Variants in NDST3 observed in about 807,000 individuals in gnomAD.
The protein encoded by NDST3 is bifunctional heparan sulfate N-deacetylase/N-sulfotransferase 3.
NDST3 carries 58 observed loss-of-function variants against 96.1 expected under a neutral mutation model. That is an observed-to-expected ratio of 0.60 (90% CI 0.49 to 0.75). The LOEUF (loss-of-function observed/expected upper bound fraction) is 0.75, where lower values mean the gene tolerates loss of function less well. NDST3 is among the 30% of genes least tolerant of loss of function. The pLI is 0.00. For missense variants in NDST3, 788 were observed against 1,034.2 expected (o/e 0.76, Z 3.27); for synonymous variants, 333 against 359.7 (o/e 0.93, Z 0.84).
intron 1 of NDST3, among the ~76,000 whole-genome samples, chr4:118,042,668 C>T (rs1357928665): frequency 6.6e-6 from 1 of 152,210 alleles, no homozygotes; most frequent in Non-Finnish European, 1.5e-5. Flanking sequence ...CAACCCCAAA[C>T]ATAGTATCCT....
chr4:118,227,893 T>C (rs1301205207), intron 8 of NDST3, among the ~76,000 whole-genome samples: 2 of 152,212 alleles, frequency 1.3e-5, no homozygotes, highest in Non-Finnish European at 2.9e-5. Flanking sequence ...ATTACAGGCG[T>C]GAGCCACTGT....
chr4:118,100,964 T>C (rs1424093078), intron 2 of NDST3, among the ~76,000 whole-genome samples: 6 of 152,276 alleles, frequency 3.9e-5, no homozygotes, highest in Admixed American at 3.3e-4. Context: ...CTAGCAAATA[T>C]AGACATTTAT....
chr4:118,216,026 T>A (rs1465996583), intron 6 of NDST3, among the ~76,000 whole-genome samples: 8 of 152,154 alleles, frequency 5.3e-5, no homozygotes, highest in Admixed American at 5.2e-4. Flanking sequence ...GGGGACCATA[T>A]GCTTATGCGC....
intron 6 of NDST3, among the ~76,000 whole-genome samples, chr4:118,188,041 A>T (rs902370579): frequency 6.6e-6 from 1 of 152,112 alleles, no homozygotes; most frequent in Admixed American, 6.6e-5. Context: ...TGGCCTAATG[A>T]GCTACTGTTA....
intron 2 of NDST3, among the ~76,000 whole-genome samples, chr4:118,059,329 G>A (rs944591398): frequency 1.3e-5 from 2 of 151,990 alleles, no homozygotes; most frequent in East Asian, 3.8e-4. Flanking sequence ...TTGTCTATTT[G>A]TGGATTAGCC....
At chr4:118,168,801 G>A (rs1735728215) in intron 6 of NDST3, among the ~76,000 whole-genome samples, 1 of 152,140 alleles carries the variant, frequency 6.6e-6, no homozygotes, top group Non-Finnish European at 1.5e-5. Context: ...GAAAAGAACA[G>A]GGAAATCCTG....
intron 2 of NDST3, among the ~76,000 whole-genome samples, chr4:118,061,375 G>T (rs986215351): frequency 6.6e-6 from 1 of 152,042 alleles, no homozygotes; most frequent in Admixed American, 6.6e-5. Flanking sequence ...AGAGTGTTTT[G>T]TTCTGGCACT....
intron 5 of NDST3, among the ~76,000 whole-genome samples, chr4:118,141,458 A>C (rs1578715451): frequency 6.6e-6 from 1 of 152,092 alleles, no homozygotes; most frequent in Admixed American, 6.5e-5. Flanking sequence ...TGGGGTTCAT[A>C]CCCTCAGCAG....
intron 2 of NDST3, among the ~76,000 whole-genome samples, chr4:118,064,051 C>A (rs1327255808): frequency 6.6e-6 from 1 of 152,144 alleles, no homozygotes; most frequent in Non-Finnish European, 1.5e-5. Context: ...TAGTATTAGT[C>A]ACTTCTTGAA....
At chr4:118,243,194 A>G (rs1236897079) in intron 12 of NDST3, among the ~76,000 whole-genome samples, 1 of 152,144 alleles carries the variant, frequency 6.6e-6, no homozygotes, top group Non-Finnish European at 1.5e-5. Flanking sequence ...CCACAGATCG[A>G]GTAGTTTTCC....
chr4:118,158,413 T>G (rs965876762), intron 6 of NDST3, among the ~76,000 whole-genome samples: 1 of 152,036 alleles, frequency 6.6e-6, no homozygotes, highest in Non-Finnish European at 1.5e-5. Context: ...ATGAGATAAT[T>G]TTAGCATGAA....
intron 2 of NDST3, among the ~76,000 whole-genome samples, chr4:118,101,320 G>A (rs1164238481): frequency 4.1e-5 from 6 of 146,824 alleles, no homozygotes; most frequent in Non-Finnish European, 8.9e-5. Flanking sequence ...TCTTCAACTA[G>A]ATATTTTAAT....
At position 118,242,836 on chromosome 4, in the gene NDST3, A is replaced by G. The variant is rs186645825; in HGVS notation, c.2399+687A>G. On this transcript the variant is annotated intron_variant, in intron 12 of 13. Transcript: ENST00000296499. ...GACCAGTAAGGAACTAGGGCTGAAG[A>G]AGGCAGTCACTCTCGGAGGTGTGCC... is the stretch of plus-strand genomic sequence containing the variant. Among the ~76,000 whole-genome samples, 13 of 152,074 alleles carry G rather than the reference A, an allele frequency of 8.5e-5. No individual in the cohort carries two copies. In the East Asian group the frequency reaches 2.1e-3, roughly 25 times the overall value.
chr4:118,225,004 A>C (rs1739786189), intron 7 of NDST3, among the ~76,000 whole-genome samples: 1 of 152,194 alleles, frequency 6.6e-6, no homozygotes, highest in Non-Finnish European at 1.5e-5. Context: ...GTCGTTTGTT[A>C]GACAGGTAGC....
intron 4 of NDST3, among the ~76,000 whole-genome samples, chr4:118,115,845 A>G (rs1200037465): frequency 6.6e-6 from 1 of 152,104 alleles, no homozygotes; most frequent in Non-Finnish European, 1.5e-5. Context: ...TTTCTTGAGG[A>G]TATACAAGAC....
At chr4:118,219,852 G>A (rs1578832256) in intron 6 of NDST3, among the ~76,000 whole-genome samples, 1 of 152,118 alleles carries the variant, frequency 6.6e-6, no homozygotes, top group South Asian at 2.1e-4. Flanking sequence ...ATTGGCAAAG[G>A]ATATGAACAG....
intron 6 of NDST3, among the ~76,000 whole-genome samples, chr4:118,205,799 C>T (rs1325773210): frequency 7.2e-6 from 1 of 139,256 alleles, no homozygotes; most frequent in Non-Finnish European, 1.6e-5. Flanking sequence ...GATGACAGTA[C>T]AAATATACAG....
chr4:118,090,719 TA>T (rs1728794496), intron 2 of NDST3, among the ~76,000 whole-genome samples: 1 of 151,904 alleles, frequency 6.6e-6, no homozygotes, highest in Non-Finnish European at 1.5e-5. Context: ...AAAAAGGAGC[TA>T]TTTCTTCTTG....
intron 1 of NDST3, among the ~76,000 whole-genome samples, chr4:118,040,384 A>G (rs1159412435): frequency 6.6e-6 from 1 of 151,970 alleles, no homozygotes; most frequent in Non-Finnish European, 1.5e-5. Context: ...GGAAAGGGGG[A>G]GGGGTGAAAA....
Sources: gnomAD v4.1 joint callset for allele counts (sites outside exome capture counted in the v4.1 genomes callset) on GRCh38, gnomAD v4.1.1 for gene constraint, MANE v1.5 for transcripts, NCBI Gene and HGNC (gene_info 2026-07-23, HGNC 2026-07-21) for gene names.